GTF2I: variants seen among roughly 807,000 people sequenced by gnomAD.
GTF2I encodes general transcription factor IIi.
Under a neutral mutation model 67.6 loss-of-function variants are expected in GTF2I, and 12 were observed. The ratio of observed to expected loss-of-function variants is 0.18; its 90% confidence interval spans 0.11 to 0.29. The LOEUF is 0.29. Ranked by LOEUF, GTF2I falls within the 10% of genes least tolerant of loss-of-function variation. The pLI is 1.00. For missense variants in GTF2I, 271 were observed against 580.1 expected (o/e 0.47, Z 5.47); for synonymous variants, 149 against 197.0 (o/e 0.76, Z 2.04).
intron 12 of GTF2I, among the ~76,000 whole-genome samples, chr7:74,719,590 T>C (rs1476545835): frequency 6.6e-6 from 1 of 152,208 alleles, no homozygotes; most frequent in Non-Finnish European, 1.5e-5. Context: ...TTCATATTAA[T>C]AGTTATTAAA....
At chr7:74,684,359 T>A (rs1216790581) in intron 1 of GTF2I, among the ~76,000 whole-genome samples, 1 of 152,260 alleles carries the variant, frequency 6.6e-6, no homozygotes, top group Non-Finnish European at 1.5e-5. Flanking sequence ...GCGAGATGGC[T>A]GTCTGCTGAA....
chr7:74,699,137 T>C (rs781798451), intron 4 of GTF2I, 42 bp downstream of exon 4: 21 of 1,156,860 alleles, frequency 1.8e-5, no homozygotes, highest in Non-Finnish European at 1.2e-6. Context: ...ATACATTATA[T>C]AATTGAATTT....
intron 10 of GTF2I, 117 bp downstream of exon 10, chr7:74,715,033 G>GA (rs1239674105): frequency 7.1e-6 from 4 of 565,954 alleles, no homozygotes; most frequent in South Asian, 5.1e-5. Flanking sequence ...AATGGAAAAG[G>GA]AAAAAAATGT....
intron 4 of GTF2I, 147 bp downstream of exon 4, chr7:74,699,242 C>G (rs1789391521): frequency 4.7e-6 from 2 of 423,352 alleles, no homozygotes; most frequent in Non-Finnish European, 8.3e-6. Flanking sequence ...TCTTCCACTT[C>G]CATTTTGAAG....
rs78171467 is a variant in GTF2I, at chr7:74,720,103, T to C, written c.943+1162T>C. Among the ~76,000 whole-genome samples the C allele has an allele frequency of 1.6e-4, 25 of 152,350 alleles. No individual in the cohort carries two copies. In the East Asian group the frequency reaches 4.8e-3, roughly 29 times the overall value. ...GAGGGATGTATGCCAGCTTATTGTG[T>C]CTACTTAGAGAAATAATTGCAGTAC... On this transcript the variant is annotated intron_variant, in intron 12 of 34. Coordinates refer to ENST00000573035, the MANE Select transcript of GTF2I (RefSeq NM_032999.4).
At chr7:74,704,296 T>TTTATTTA (rs1554400691) in intron 6 of GTF2I, among the ~76,000 whole-genome samples, 12 of 16,950 alleles carry the variant, frequency 7.1e-4, no homozygotes, top group African/African-American at 2.1e-3. Context: ...TTATTTATTT[T>TTTATTTA]TTTATTTATT....
intron 13 of GTF2I, among the ~76,000 whole-genome samples, chr7:74,729,731 G>A (rs1554406331): frequency 2.1e-5 from 3 of 142,578 alleles, no homozygotes; most frequent in Non-Finnish European, 4.6e-5. Context: ...GCATGCCTCA[G>A]CCTCCCAAAG....
intron 1 of GTF2I, among the ~76,000 whole-genome samples, chr7:74,665,799 T>G (rs1554388307): frequency 6.6e-6 from 1 of 152,218 alleles, no homozygotes; most frequent in Non-Finnish European, 1.5e-5. Context: ...GACTTATTCC[T>G]CTGTGGGATT....
At chr7:74,682,530 G>A (rs887323140) in intron 1 of GTF2I, among the ~76,000 whole-genome samples, 2 of 152,128 alleles carry the variant, frequency 1.3e-5, no homozygotes, top group African/African-American at 4.8e-5. Flanking sequence ...TACTGGGTGG[G>A]CCAAGGAACC....
At chr7:74,670,640 A>G (rs587683667) in intron 1 of GTF2I, among the ~76,000 whole-genome samples, 15 of 151,052 alleles carry the variant, frequency 9.9e-5, no homozygotes, top group African/African-American at 3.4e-4. Flanking sequence ...CAGTGAGCTG[A>G]GACTACGCCA....
intron 1 of GTF2I, among the ~76,000 whole-genome samples, chr7:74,674,664 G>A (rs1312809715): frequency 3.3e-5 from 5 of 150,490 alleles, no homozygotes; most frequent in African/African-American, 4.9e-5. Context: ...TCAGCCTCCC[G>A]GGTAGCTGGG....
At position 74,677,619 on chromosome 7, in the gene GTF2I, T is replaced by TA. The variant is rs587718431; in HGVS notation, c.-5-11497dup. On this transcript the variant is annotated intron_variant, in intron 1 of 34. Coordinates refer to ENST00000573035, the MANE Select transcript of GTF2I (RefSeq NM_032999.4). ...CAACATGCTGAAACCCCATCTCTAC[T>TA]AAAAAAAAGAAAATTAGCCGGGCGT... 5.2e-4 allele frequency among the ~76,000 whole-genome samples: 78 copies of TA among 150,346 alleles called. 1 individual carries two copies. The highest frequency in any genetic ancestry group is 4.9e-3 in the Admixed American group (73 of 15,004).
At chr7:74,707,236 C>G (rs1166312970) in intron 8 of GTF2I, among the ~76,000 whole-genome samples, 1 of 152,240 alleles carries the variant, frequency 6.6e-6, no homozygotes, top group Non-Finnish European at 1.5e-5. Context: ...CCAGTGTTAT[C>G]CTGTGTCCTA....
chr7:74,722,964 A>G (rs2131466549), intron 12 of GTF2I, among the ~76,000 whole-genome samples: 1 of 152,276 alleles, frequency 6.6e-6, no homozygotes, highest in African/African-American at 2.4e-5. Flanking sequence ...AGGGTTTATG[A>G]TGGGCAGTTG....
chr7:74,687,867 T>C (rs1404161174), intron 1 of GTF2I, among the ~76,000 whole-genome samples: 1 of 152,204 alleles, frequency 6.6e-6, no homozygotes, highest in Non-Finnish European at 1.5e-5. Context: ...TCAGTTATCT[T>C]TCCATATTAA....
chr7:74,689,639 C>T (rs1562951788), intron 2 of GTF2I, among the ~76,000 whole-genome samples: 1 of 151,796 alleles, frequency 6.6e-6, no homozygotes, highest in Non-Finnish European at 1.5e-5. Flanking sequence ...CAGGTGTGAA[C>T]CACTGCCCCA....
chr7:74,729,837 G>GAGAC (rs1794298121), intron 13 of GTF2I, among the ~76,000 whole-genome samples: 1 of 152,156 alleles, frequency 6.6e-6, no homozygotes, highest in African/African-American at 2.4e-5. Flanking sequence ...CCACACAACT[G>GAGAC]AGACATGTTT....
intron 1 of GTF2I, among the ~76,000 whole-genome samples, chr7:74,672,126 T>C (rs587740242): frequency 6.6e-6 from 1 of 152,126 alleles, no homozygotes; most frequent in Non-Finnish European, 1.5e-5. Context: ...AGTTAAAAAT[T>C]AAAGTCAAAT....
chr7:74,684,361 T>C (rs1787509902), intron 1 of GTF2I, among the ~76,000 whole-genome samples: 1 of 152,246 alleles, frequency 6.6e-6, no homozygotes, highest in South Asian at 2.1e-4. Context: ...GAGATGGCTG[T>C]CTGCTGAACC....
Sources: allele counts gnomAD v4.1 joint callset (sites outside exome capture counted in the v4.1 genomes callset), GRCh38; gene constraint gnomAD v4.1.1; transcripts MANE v1.5; gene names NCBI Gene and HGNC (gene_info 2026-07-23, HGNC 2026-07-21).